The following CYP7B1 variants were observed in gnomAD, a reference collection of about 807,000 sequenced individuals.
CYP7B1 encodes the protein cytochrome P450 7B1.
A neutral mutation model predicts 42.7 loss-of-function variants in CYP7B1; 29 were observed. The ratio of observed to expected loss-of-function variants is 0.68; its 90% confidence interval spans 0.51 to 0.93. The LOEUF (loss-of-function observed/expected upper bound fraction) is 0.93, where lower values mean the gene tolerates loss of function less well. CYP7B1 is among the 40% of genes least tolerant of loss of function. The pLI is 0.00. For missense variants in CYP7B1, 655 were observed against 600.5 expected, an observed-to-expected ratio of 1.09 and a Z score of -0.95; for synonymous variants, 235 against 218.2, an observed-to-expected ratio of 1.08 and a Z score of -0.68.
At chr8:64,678,297 A>C (rs961619084) in intron 1 of CYP7B1, among the ~76,000 whole-genome samples, 2 of 152,080 alleles carry the variant, frequency 1.3e-5, no homozygotes, top group Non-Finnish European at 2.9e-5. Flanking sequence ...TTGAGAGTCT[A>C]CTGATTGCCT....
At chr8:64,740,697 AG>A (rs1807555205) in intron 1 of CYP7B1, among the ~76,000 whole-genome samples, 1 of 152,086 alleles carries the variant, frequency 6.6e-6, no homozygotes, top group Admixed American at 6.6e-5. Flanking sequence ...GAATGTTAAA[AG>A]ATTCATATAG....
rs146596145 is a variant in CYP7B1 at position 64,698,566 on chromosome 8, G to A, written c.123-74027C>T. ...AACAGCTGTTTCTTGAGTGAATACA[G>A]ACACAAAATAATTATATGAAAAGGA... On this transcript the variant is annotated intron_variant, in intron 1 of 5. Transcript: ENST00000310193. Among the ~76,000 whole-genome samples, 257 of 152,218 alleles carry A rather than the reference G, an allele frequency of 1.7e-3. 1 individual carries two copies. Among genetic ancestry groups the A allele is most frequent in the African/African-American group, 5.7e-3 (237 of 41,552 alleles).
chr8:64,760,206 T>A (rs905807091), intron 1 of CYP7B1, among the ~76,000 whole-genome samples: 2 of 152,038 alleles, frequency 1.3e-5, no homozygotes, highest in Admixed American at 1.3e-4. Flanking sequence ...GCAAAAGAAA[T>A]TAAAGCCTTA....
intron 1 of CYP7B1, among the ~76,000 whole-genome samples, chr8:64,672,356 A>G (rs1373115008): frequency 6.6e-6 from 1 of 152,128 alleles, no homozygotes; most frequent in Non-Finnish European, 1.5e-5. Context: ...ATTTGAAAGC[A>G]ATATAGACAT....
In CYP7B1 at chr8:64,629,840, G is replaced by A. The variant is rs1166706778; in HGVS notation, c.123-5301C>T. Among the ~76,000 whole-genome samples the A allele has an allele frequency of 5.9e-5, 9 of 152,194 alleles. No individual in the cohort carries two copies. The South Asian group carries it at 1.0e-3, about 17-fold the overall frequency. ...AGAATTGCATGTTTGTCAGGATATC[G>A]GGAAGAGGAGTATCTCAATACAAGG... On this transcript the variant is annotated intron_variant, in intron 1 of 5. Coordinates refer to ENST00000310193, the MANE Select transcript of CYP7B1 (RefSeq NM_004820.5).
chr8:64,709,306 C>T (rs1005049978), intron 1 of CYP7B1, among the ~76,000 whole-genome samples: 1 of 152,172 alleles, frequency 6.6e-6, no homozygotes, highest in South Asian at 2.1e-4. Flanking sequence ...TGATTTCTAT[C>T]TTTCTTTCTT....
intron 1 of CYP7B1, among the ~76,000 whole-genome samples, chr8:64,679,066 T>C (rs781454020): frequency 2.6e-5 from 4 of 152,026 alleles, no homozygotes; most frequent in Admixed American, 6.6e-5. Flanking sequence ...AAAGGTAGAG[T>C]TGGCGATTCA....
downstream of CYP7B1, among the ~76,000 whole-genome samples, chr8:64,590,703 TAAG>T (rs1805022572): frequency 6.6e-6 from 1 of 152,158 alleles, no homozygotes; most frequent in African/African-American, 2.4e-5. Flanking sequence ...CATCAGATGA[TAAG>T]AATATATGTG....
intron 1 of CYP7B1, among the ~76,000 whole-genome samples, chr8:64,686,084 C>A (rs1585855296): frequency 8.1e-6 from 1 of 123,654 alleles, no homozygotes; most frequent in Admixed American, 7.6e-5. Context: ...GGCCAGCCGC[C>A]CCGTCCGGGA....
downstream of CYP7B1, among the ~76,000 whole-genome samples, chr8:64,590,170 A>G (rs958810701): frequency 6.6e-6 from 1 of 152,218 alleles, no homozygotes; most frequent in East Asian, 1.9e-4. Context: ...CCAGTTGGTA[A>G]ATAAACAATA....
intron 1 of CYP7B1, among the ~76,000 whole-genome samples, chr8:64,713,678 T>A (rs1300486430): frequency 6.6e-6 from 1 of 151,898 alleles, no homozygotes; most frequent in African/African-American, 2.4e-5. Flanking sequence ...GAAAAAAAGA[T>A]AAAACTCTAA....
At chr8:64,665,566 T>G (rs1392963632) in intron 1 of CYP7B1, among the ~76,000 whole-genome samples, 3 of 15,832 alleles carry the variant, frequency 1.9e-4, no homozygotes, top group Admixed American at 7.7e-4. Flanking sequence ...GTGGTTTTTT[T>G]TTTTTTTTTT....
At chr8:64,609,705 G>A (rs1322901958) in intron 4 of CYP7B1, among the ~76,000 whole-genome samples, 3 of 152,176 alleles carry the variant, frequency 2.0e-5, no homozygotes, top group Non-Finnish European at 4.4e-5. Context: ...CCTGGGAGCA[G>A]ATGAGCAACA....
chr8:64,621,322 T>C (rs1805526291), intron 2 of CYP7B1, among the ~76,000 whole-genome samples: 1 of 152,182 alleles, frequency 6.6e-6, no homozygotes. Context: ...AACTTCACAA[T>C]GTATTAAATG....
At chr8:64,758,096 T>A (rs1017006380) in intron 1 of CYP7B1, among the ~76,000 whole-genome samples, 13 of 152,204 alleles carry the variant, frequency 8.5e-5, no homozygotes. Context: ...CAGGCTCTGC[T>A]TTCAGGGGAA....
intron 1 of CYP7B1, among the ~76,000 whole-genome samples, chr8:64,773,642 T>C (rs1286367168): frequency 6.6e-6 from 1 of 152,212 alleles, no homozygotes; most frequent in Non-Finnish European, 1.5e-5. Flanking sequence ...CCATTTTCTG[T>C]TGCTATAACA....
Position 64,592,809 on chromosome 8 carries a change from C to T in CYP7B1, c.*3833G>A, listed in dbSNP as rs796158435. Among the ~76,000 whole-genome samples, 12 of 152,268 alleles carry T rather than the reference C, an allele frequency of 7.9e-5. No homozygotes were observed. Among genetic ancestry groups the T allele is most frequent in the East Asian group, 1.9e-4 (1 of 5,182 alleles). On this transcript the variant is annotated 3_prime_UTR_variant, in exon 6 of 6. Coordinates refer to ENST00000310193, the MANE Select transcript of CYP7B1 (RefSeq NM_004820.5). Reference sequence around the variant, plus strand: ...AAATGAGGACGTTGAAGCTCTGAGACGGAAATTGTTTAATAATAAGCCAGT... The same window carrying T: ...AAATGAGGACGTTGAAGCTCTGAGATGGAAATTGTTTAATAATAAGCCAGT...
At position 64,695,602 on chromosome 8, in the gene CYP7B1, C is replaced by CATT. The variant is rs1806813271; in HGVS notation, c.123-71064_123-71063insAAT. ...ACAAAATAAAACATGTTATCAAATT[C>CATT]CTTTTTTTTTTTTTTTTTTTTTTTT... On this transcript the variant is annotated intron_variant, in intron 1 of 5. Transcript: ENST00000310193. Among the ~76,000 whole-genome samples the CATT allele has an allele frequency of 4.9e-4, 45 of 92,556 alleles. No individual in the cohort carries two copies. The South Asian group carries it at 0.017, about 35-fold the overall frequency. 60.7% of individuals were successfully genotyped at this position (92,556 alleles called of 152,430 possible).
In CYP7B1 at chr8:64,615,035, T is replaced by A. The variant is rs759809468; in HGVS notation, c.1048A>T (p.Ile350Phe). ...GATAAAAATAAATTACCTAGGCAGA[T>A]TAGGCTGTCCAATTGTTCTCTGGTG... ...HLTREQLDSL[I>F]CLESSIFEAL... The change falls in exon 4 of 6, where the codon ATC (isoleucine) becomes TTC (phenylalanine). Residue 350 changes from isoleucine (I) to phenylalanine (F), a missense_variant. Physicochemically the swap from Ile to Phe is conservative, Grantham distance 21. Coordinates refer to ENST00000310193, the MANE Select transcript of CYP7B1 (RefSeq NM_004820.5). The A allele has an allele frequency of 6.2e-7, 1 of 1,613,594 alleles. No homozygotes were observed. The highest frequency in any genetic ancestry group is 8.5e-7 in the Non-Finnish European group (1 of 1,179,658).
Sources: gnomAD v4.1 joint callset for allele counts (sites outside exome capture counted in the v4.1 genomes callset) on GRCh38, gnomAD v4.1.1 for gene constraint, MANE v1.5 for transcripts, NCBI Gene and HGNC (gene_info 2026-07-23, HGNC 2026-07-21) for gene names.